GNAI1: variants seen among roughly 807,000 people sequenced by gnomAD.
GNAI1 encodes the protein guanine nucleotide-binding protein G(i) subunit alpha-1.
In GNAI1, 11 loss-of-function variants were observed where a neutral mutation model predicts 38.9. That is an observed-to-expected ratio of 0.28 (90% CI 0.18 to 0.47). GNAI1 has a LOEUF of 0.47. Among genes scored for constraint, GNAI1 ranks in the 20% least tolerant of loss-of-function variants. GNAI1 has a pLI of 0.99. For synonymous variants in GNAI1, 166 were observed against 145.1 expected (o/e 1.14, Z -1.04); for missense variants, 317 against 436.9 (o/e 0.73, Z 2.45).
chr7:80,215,950 C>T (rs1001668193), intron 7 of GNAI1, among the ~76,000 whole-genome samples: 1 of 151,992 alleles, frequency 6.6e-6, no homozygotes, highest in Non-Finnish European at 1.5e-5. Flanking sequence ...CTGGGGTGAG[C>T]GCCAGTGTGG....
At position 80,178,303 on chromosome 7, in the gene GNAI1, A is replaced by G. The variant is rs113322255; in HGVS notation, c.119-10648A>G. ...ATGACAACAAAGGATTTAGAATCTT[A>G]AATAAACTTAGTTGATAAAGCAGTG... On this transcript the variant is annotated intron_variant, in intron 1 of 7. Coordinates refer to ENST00000649796, the MANE Select transcript of GNAI1 (RefSeq NM_002069.6). Among the ~76,000 whole-genome samples, 291 of 152,368 alleles carry G rather than the reference A, an allele frequency of 1.9e-3. 1 individual carries two copies. The highest frequency in any genetic ancestry group is 6.5e-3 in the African/African-American group (270 of 41,588).
At chr7:80,217,167 G>A in intron 7 of GNAI1, 136 bp from the exon 8 acceptor site, 1 of 210,980 alleles carries the variant, frequency 4.7e-6, no homozygotes, top group South Asian at 1.9e-4. Flanking sequence ...TTCTAGAAGG[G>A]AAAGCACAGT....
intron 4 of GNAI1, among the ~76,000 whole-genome samples, chr7:80,201,397 C>T (rs1422471294): frequency 6.6e-6 from 1 of 152,128 alleles, no homozygotes; most frequent in Non-Finnish European, 1.5e-5. Flanking sequence ...ACCCTCTCTC[C>T]TGTGCACACT....
At chr7:80,138,049 A>G (rs569195321) in intron 1 of GNAI1, among the ~76,000 whole-genome samples, 1 of 152,340 alleles carries the variant, frequency 6.6e-6, no homozygotes, top group East Asian at 1.9e-4. Flanking sequence ...GAAATGTAAA[A>G]TCGTTTCTAG....
In GNAI1 at chr7:80,217,389, A is replaced by G. The variant is rs1788991352; in HGVS notation, c.961A>G (p.Thr321Ala). 1.2e-6 allele frequency: 2 copies of G among 1,604,862 alleles called. No homozygotes were observed. The highest frequency in any genetic ancestry group is 2.7e-5 in the African/African-American group (2 of 74,616). ...AAGAAAGGACACAAAGGAAATATAC[A>G]CCCACTTCACATGTGCCACAGATAC... ...NKRKDTKEIY[T>A]HFTCATDTKN... The change falls in exon 8 of 8, where the codon ACC (threonine) becomes GCC (alanine). Residue 321 changes from threonine to alanine, a missense_variant. Physicochemically the swap from Thr to Ala is moderately conservative, Grantham distance 58. Coordinates refer to ENST00000649796, the MANE Select transcript of GNAI1 (RefSeq NM_002069.6).
At chr7:80,165,611 T>A (rs1394339254) in intron 1 of GNAI1, among the ~76,000 whole-genome samples, 1 of 152,224 alleles carries the variant, frequency 6.6e-6, no homozygotes, top group Admixed American at 6.5e-5. Context: ...GCAGAATGTT[T>A]TCTCTTTCTC....
At chr7:80,137,237 A>G (rs992288423) in intron 1 of GNAI1, among the ~76,000 whole-genome samples, 2 of 150,852 alleles carry the variant, frequency 1.3e-5, no homozygotes, top group African/African-American at 2.4e-5. Flanking sequence ...AGAAAGATGT[A>G]GCAGAGGCCT....
chr7:80,148,021 CTGT>C (rs151041980), intron 1 of GNAI1, among the ~76,000 whole-genome samples: 9 of 151,936 alleles, frequency 5.9e-5, no homozygotes, highest in Non-Finnish European at 1.0e-4. Context: ...TTTTTTGTTG[CTGT>C]TGTTGTTGTT....
intron 1 of GNAI1, among the ~76,000 whole-genome samples, chr7:80,162,005 G>A (rs1428358926): frequency 1.3e-5 from 2 of 152,042 alleles, no homozygotes; most frequent in South Asian, 2.1e-4. Context: ...GTGTCCCTCC[G>A]AAATTGTATG....
At chr7:80,188,590 G>GT (rs1355983602) in intron 1 of GNAI1, among the ~76,000 whole-genome samples, 1 of 152,098 alleles carries the variant, frequency 6.6e-6, no homozygotes, top group African/African-American at 2.4e-5. Context: ...CAAAATATAT[G>GT]TATCAAAATG....
chr7:80,155,484 TTTTA>T (rs1787802836), intron 1 of GNAI1, among the ~76,000 whole-genome samples: 2 of 152,206 alleles, frequency 1.3e-5, no homozygotes, highest in African/African-American at 2.4e-5. Flanking sequence ...GAGGTTATGT[TTTTA>T]TTTATTCTGA....
At chr7:80,140,328 C>G (rs1787504982) in intron 1 of GNAI1, among the ~76,000 whole-genome samples, 1 of 152,186 alleles carries the variant, frequency 6.6e-6, no homozygotes, top group Admixed American at 6.5e-5. Context: ...TGTTGAATGT[C>G]TCAGTGATAG....
At position 80,221,446 on chromosome 7, in the gene GNAI1, G is replaced by A. The variant is rs1031684564; in HGVS notation, c.*3953G>A. Among the ~76,000 whole-genome samples, 4 of 151,930 alleles carry A rather than the reference G, an allele frequency of 2.6e-5. No individual in the cohort carries two copies. The highest frequency in any genetic ancestry group is 7.3e-5 in the African/African-American group (3 of 41,348). ...GTGCTTAACAAATGGTTGTTGATAC[G>A]TGCTTTGAATGAAATGCCTCAAAAA... On this transcript the variant is annotated 3_prime_UTR_variant, in exon 8 of 8. Transcript: ENST00000649796.
chr7:80,144,894 A>G (rs1210895751), intron 1 of GNAI1, among the ~76,000 whole-genome samples: 1 of 152,212 alleles, frequency 6.6e-6, no homozygotes, highest in Non-Finnish European at 1.5e-5. Flanking sequence ...TCAATCAGCA[A>G]TCAGATCAAG....
chr7:80,150,906 G>A (rs1367369587), intron 1 of GNAI1, among the ~76,000 whole-genome samples: 1 of 151,962 alleles, frequency 6.6e-6, no homozygotes, highest in Non-Finnish European at 1.5e-5. Flanking sequence ...CTCCTACCTG[G>A]TCTTCCTCCC....
intron 3 of GNAI1, among the ~76,000 whole-genome samples, chr7:80,197,311 A>G (rs1788595778): frequency 6.6e-6 from 1 of 151,958 alleles, no homozygotes; most frequent in Non-Finnish European, 1.5e-5. Flanking sequence ...AATGCCACAG[A>G]GAGAATGTGA....
In GNAI1 at chr7:80,161,186, TTA is replaced by T. The variant is rs1319814168; in HGVS notation, c.118+25913_118+25914del. Among the ~76,000 whole-genome samples the T allele has an allele frequency of 3.9e-5, 6 of 152,314 alleles. No homozygotes were observed. The East Asian group carries it at 1.2e-3, about 29-fold the overall frequency. ...AAGGATATGGTTTGTGAGAAGCTCATTATATAGTACTTTGTAGTTTATAAAGT... is the reference window on the plus strand; with the variant it reads ...AAGGATATGGTTTGTGAGAAGCTCATTATAGTACTTTGTAGTTTATAAAGT... On this transcript the variant is annotated intron_variant, in intron 1 of 7. Transcript: ENST00000649796.
rs927030635 is a variant in GNAI1 at position 80,225,258 on chromosome 7, G to C, written c.*7765G>C. 6.6e-6 allele frequency among the ~76,000 whole-genome samples: 1 copy of C among 152,142 alleles called. No individual in the cohort carries two copies. The highest frequency in any genetic ancestry group is 2.4e-5 in the African/African-American group (1 of 41,410). ...TAAATATGTCAGCTATAATAAAAGA[G>C]AGACATACACATTTTAAGATCTATA... On this transcript the variant is annotated 3_prime_UTR_variant, in exon 8 of 8. Transcript: ENST00000649796.
At chr7:80,148,513 AAAAT>A (rs1787667209) in intron 1 of GNAI1, among the ~76,000 whole-genome samples, 1 of 135,042 alleles carries the variant, frequency 7.4e-6, no homozygotes, top group Non-Finnish European at 1.6e-5. Flanking sequence ...ATCAGTGAAA[AAAAT>A]GTTATTTTAA....
Sources: gnomAD v4.1 joint callset for allele counts (sites outside exome capture counted in the v4.1 genomes callset) on GRCh38, gnomAD v4.1.1 for gene constraint, MANE v1.5 for transcripts, NCBI Gene and HGNC (gene_info 2026-07-23, HGNC 2026-07-21) for gene names.